PDE7A: variants seen among roughly 807,000 people sequenced by gnomAD.
PDE7A encodes phosphodiesterase 7A.
A neutral mutation model predicts 64.3 loss-of-function variants in PDE7A; 39 were observed. The ratio of observed to expected loss-of-function variants is 0.61; its 90% confidence interval spans 0.47 to 0.79. The LOEUF (loss-of-function observed/expected upper bound fraction) is 0.79, where lower values mean the gene tolerates loss of function less well. PDE7A is among the 30% of genes least tolerant of loss of function. The pLI, the probability that PDE7A is intolerant of heterozygous loss-of-function variation, is 0.00. For missense variants in PDE7A, 470 were observed against 582.8 expected (o/e 0.81, Z 1.99); for synonymous variants, 203 against 206.8 (o/e 0.98, Z 0.16).
chr8:65,840,490 T>C (rs1018287977), intron 1 of PDE7A, among the ~76,000 whole-genome samples: 24 of 152,104 alleles, frequency 1.6e-4, no homozygotes, highest in Admixed American at 1.4e-3. Flanking sequence ...AAGATAGTAT[T>C]AGCCAATAGG....
chr8:65,835,982 G>GCTTCA, intron 1 of PDE7A, among the ~76,000 whole-genome samples: 1 of 152,214 alleles, frequency 6.6e-6, no homozygotes, highest in Admixed American at 6.5e-5. Context: ...ACATATATTA[G>GCTTCA]CTCAGAAGTG....
At chr8:65,817,877 T>G (rs1215915791) in intron 1 of PDE7A, among the ~76,000 whole-genome samples, 1 of 151,548 alleles carries the variant, frequency 6.6e-6, no homozygotes, top group Non-Finnish European at 1.5e-5. Context: ...CTCAGCCTCC[T>G]GAGTAGCTGG....
chr8:65,724,713 A>T, intron 10 of PDE7A, 64 bp downstream of exon 10: 1 of 1,389,070 alleles, frequency 7.2e-7, no homozygotes, highest in East Asian at 2.3e-5. Context: ...TAGAATATTC[A>T]TTTTTTAGTT....
At chr8:65,803,630 C>A (rs1156519109) in intron 1 of PDE7A, among the ~76,000 whole-genome samples, 3 of 152,120 alleles carry the variant, frequency 2.0e-5, no homozygotes, top group African/African-American at 7.2e-5. Context: ...AGTTTGCACA[C>A]ACCCACAAGA....
intron 1 of PDE7A, among the ~76,000 whole-genome samples, chr8:65,819,994 G>C (rs577830499): frequency 6.6e-6 from 1 of 152,330 alleles, no homozygotes; most frequent in South Asian, 2.1e-4. Flanking sequence ...GTGGATCCCT[G>C]TATTACTTCA....
intron 1 of PDE7A, among the ~76,000 whole-genome samples, chr8:65,799,948 A>G (rs1362857996): frequency 1.3e-5 from 2 of 152,206 alleles, no homozygotes; most frequent in East Asian, 3.8e-4. Flanking sequence ...TCCCTTTTTT[A>G]GGGACTCACA....
At chr8:65,804,069 T>C (rs1259984972) in intron 1 of PDE7A, among the ~76,000 whole-genome samples, 1 of 152,082 alleles carries the variant, frequency 6.6e-6, no homozygotes, top group Non-Finnish European at 1.5e-5. Context: ...ATGACAAAGG[T>C]TTAAAAGGGG....
chr8:65,834,395 C>G (rs1810904146), intron 1 of PDE7A, among the ~76,000 whole-genome samples: 1 of 152,006 alleles, frequency 6.6e-6, no homozygotes, highest in Non-Finnish European at 1.5e-5. Flanking sequence ...GGCTTCTCAC[C>G]AAGAGTAGGC....
At chr8:65,747,200 A>T (rs1435965032) in intron 4 of PDE7A, among the ~76,000 whole-genome samples, 1 of 152,190 alleles carries the variant, frequency 6.6e-6, no homozygotes, top group Admixed American at 6.5e-5. Flanking sequence ...ATACACACAC[A>T]CACACAAAAA....
chr8:65,828,311 T>C (rs1013415178), intron 1 of PDE7A, among the ~76,000 whole-genome samples: 1 of 152,104 alleles, frequency 6.6e-6, no homozygotes, highest in Non-Finnish European at 1.5e-5. Context: ...AAAATACAGA[T>C]GTAGAAAGCA....
chr8:65,788,765 CT>C, intron 1 of PDE7A: 1 of 645,244 alleles, frequency 1.5e-6, no homozygotes, highest in Non-Finnish European at 2.7e-6. Context: ...ACTCACAGCT[CT>C]TTTAATCAGA....
rs558980021 is a variant in PDE7A, at chr8:65,726,954, G to A, written c.841C>T (p.Leu281=). The part of the protein sequence containing the change: ...LATLYKNTSV[L]ENHHWRSAVG... The stretch of plus-strand genomic sequence containing the variant: ...GCAGATCTCCAGTGGTGATTTTCCA[G>A]TACTGAGGTATTCTACAACAAAGGA... Residue 281 remains leucine, a synonymous_variant, in exon 9 of 13, where the codon CTG becomes TTG. Coordinates refer to ENST00000401827, the MANE Select transcript of PDE7A (RefSeq NM_001242318.3). 4.4e-6 allele frequency: 7 copies of A among 1,589,990 alleles called. No individual in the cohort carries two copies. In the South Asian group the frequency reaches 4.4e-5, roughly 10 times the overall value.
chr8:65,719,412 G>A lies in PDE7A; in HGVS notation c.1327C>T (p.His443Tyr), dbSNP rs1453546482. The change falls in exon 13 of 13, where the codon CAC (histidine) becomes TAC (tyrosine). Residue 443 changes from histidine to tyrosine, a missense_variant. His to Tyr is a moderately conservative substitution (Grantham distance 83). Coordinates refer to ENST00000401827, the MANE Select transcript of PDE7A (RefSeq NM_001242318.3). ...NTRLSQTMLG[H>Y]VGLNKASWKG... ...CAGCTGGCTTTATTCAGCCCCACGT[G>A]TCCAAGCATTGTCTGGGATAGCCTT... 1 of 1,613,950 alleles carries A rather than the reference G, an allele frequency of 6.2e-7. No individual in the cohort carries two copies. The highest frequency in any genetic ancestry group is 1.1e-5 in the South Asian group (1 of 91,078).
At position 65,727,170 on chromosome 8, in the gene PDE7A, CT is replaced by C. The variant is rs752301942; in HGVS notation, c.827del (p.Lys276ArgfsTer18). 6.5e-7 allele frequency: 1 copy of C among 1,544,892 alleles called. No homozygotes were observed. Among genetic ancestry groups the C allele is most frequent in the Non-Finnish European group, 8.9e-7 (1 of 1,118,754 alleles). On this transcript the variant is annotated frameshift_variant and splice_region_variant, in exon 8 of 13. Coordinates refer to ENST00000401827, the MANE Select transcript of PDE7A (RefSeq NM_001242318.3). LOFTEE classifies it high-confidence loss of function. ...ATCTTGATGATAAAATTGCACTAACCTTGTATAAAGTTGCCAAGTAATGGTT... is the reference window on the plus strand; with the variant it reads ...ATCTTGATGATAAAATTGCACTAACCTGTATAAAGTTGCCAAGTAATGGTT... ...KTNHYLATLY[K>X]NTSVLENHHW...
chr8:65,785,971 T>C (rs565063643), intron 1 of PDE7A, among the ~76,000 whole-genome samples: 2 of 152,262 alleles, frequency 1.3e-5, no homozygotes, highest in South Asian at 2.1e-4. Flanking sequence ...CAAAATAATA[T>C]TAAGTCAAAA....
rs765916867 is a variant in PDE7A at position 65,726,875 on chromosome 8, C to T, written c.920G>A (p.Arg307Lys). The T allele has an allele frequency of 3.2e-6, 5 of 1,542,776 alleles. No individual in the cohort carries two copies. The highest frequency in any genetic ancestry group is 1.7e-4 in the Middle Eastern group (1 of 5,894). The change falls in exon 9 of 13, where the codon AGG (arginine) becomes AAG (lysine). Residue 307 changes from arginine (R) to lysine (K), a missense_variant and splice_region_variant. Coordinates refer to ENST00000401827, the MANE Select transcript of PDE7A (RefSeq NM_001242318.3). ...GLFSHLPLESRQQMETQIGAL... is the reference protein window; with the variant it reads ...GLFSHLPLESKQQMETQIGAL... ...TTAAATTTGTCTTAATCCAACCTAC[C>T]TGCTTTCTAATGGCAGATGTGAGAA... is the stretch of plus-strand genomic sequence containing the variant.
chr8:65,757,118 A>G (rs1194890831), intron 3 of PDE7A, among the ~76,000 whole-genome samples: 1 of 152,134 alleles, frequency 6.6e-6, no homozygotes, highest in Non-Finnish European at 1.5e-5. Flanking sequence ...CCTTCCCCCA[A>G]GGTATAGGGC....
chr8:65,782,295 T>C (rs1809441323), intron 2 of PDE7A, among the ~76,000 whole-genome samples: 1 of 152,184 alleles, frequency 6.6e-6, no homozygotes, highest in African/African-American at 2.4e-5. Context: ...TACGCACATA[T>C]CTAAATTCAT....
At chr8:65,787,880 C>T (rs541664013) in intron 1 of PDE7A, among the ~76,000 whole-genome samples, 16 of 152,134 alleles carry the variant, frequency 1.1e-4, no homozygotes, top group African/African-American at 3.9e-4. Context: ...CTTGGCAAGC[C>T]AATCCTTTAA....
Sources: allele counts gnomAD v4.1 joint callset (sites outside exome capture counted in the v4.1 genomes callset), GRCh38; gene constraint gnomAD v4.1.1; transcripts MANE v1.5; gene names NCBI Gene and HGNC (gene_info 2026-07-23, HGNC 2026-07-21).